RNF216: variants seen among roughly 807,000 people sequenced by gnomAD.
RNF216 encodes the protein ring finger protein 216.
RNF216 carries 72 observed loss-of-function variants against 110.8 expected under a neutral mutation model. That is an observed-to-expected ratio of 0.65 (90% CI 0.54 to 0.79). The LOEUF (loss-of-function observed/expected upper bound fraction) is 0.79, where lower values mean the gene tolerates loss of function less well. Ranked by LOEUF, RNF216 falls within the 30% of genes least tolerant of loss-of-function variation. The pLI is 0.00. For synonymous variants in RNF216, 495 were observed against 407.5 expected, an observed-to-expected ratio of 1.21 and a Z score of -2.59; for missense variants, 1,342 against 1,141.2, an observed-to-expected ratio of 1.18 and a Z score of -2.54.
At chr7:5,717,067 A>T (rs1793108382) in intron 9 of RNF216, among the ~76,000 whole-genome samples, 1 of 152,204 alleles carries the variant, frequency 6.6e-6, no homozygotes, top group Non-Finnish European at 1.5e-5. Context: ...ATAAAAACTA[A>T]GTTTGGCCGG....
intron 5 of RNF216, among the ~76,000 whole-genome samples, chr7:5,738,640 G>A (rs562959655): frequency 6.6e-6 from 1 of 150,376 alleles, no homozygotes; most frequent in South Asian, 2.1e-4. Context: ...CCTGGGAGGC[G>A]GAGCTTGCAG....
chr7:5,757,399 A>G (rs1315161832), intron 2 of RNF216, among the ~76,000 whole-genome samples: 2 of 100,582 alleles, frequency 2.0e-5, no homozygotes, highest in Admixed American at 1.2e-4. Context: ...TTACACAGAT[A>G]TATCAGCTCT....
rs145381160 is a variant in RNF216 at position 5,669,711 on chromosome 7, T to C, written c.2062-17201A>G. Among the ~76,000 whole-genome samples, 197 of 152,232 alleles carry C rather than the reference T, an allele frequency of 1.3e-3. 1 individual carries two copies. The highest frequency in any genetic ancestry group is 4.5e-3 in the African/African-American group (186 of 41,552). On this transcript the variant is annotated intron_variant, in intron 13 of 16. Transcript: ENST00000389902. ...AGTTTTGAGACCAGCCTGGCCAACA[T>C]GGCAAAACCCCATCTACTAAAAATA...
chr7:5,759,722 C>A (rs546955053), intron 2 of RNF216, among the ~76,000 whole-genome samples: 1 of 148,864 alleles, frequency 6.7e-6, no homozygotes, highest in Middle Eastern at 3.3e-3. Flanking sequence ...ACCTCTGCCT[C>A]CCAGGTTCAA....
intron 13 of RNF216, among the ~76,000 whole-genome samples, chr7:5,677,266 G>C (rs1463625832): frequency 1.3e-5 from 2 of 152,190 alleles, no homozygotes; most frequent in Non-Finnish European, 2.9e-5. Context: ...ATCTGCTGTT[G>C]TCTTTTGCTT....
chr7:5,765,950 C>G (rs1466378392), intron 1 of RNF216, among the ~76,000 whole-genome samples: 6 of 17,490 alleles, frequency 3.4e-4, no homozygotes, highest in African/African-American at 1.1e-3. Context: ...GAGACTCTGT[C>G]TCAAAAAAAA....
At chr7:5,718,381 A>G (rs921218577) in intron 9 of RNF216, among the ~76,000 whole-genome samples, 2 of 152,194 alleles carry the variant, frequency 1.3e-5, no homozygotes, top group Non-Finnish European at 1.5e-5. Flanking sequence ...ACTCCGTCTC[A>G]AAAAACAAAC....
chr7:5,675,562 A>T (rs1237938054), intron 13 of RNF216, among the ~76,000 whole-genome samples: 1 of 151,944 alleles, frequency 6.6e-6, no homozygotes, highest in African/African-American at 2.4e-5. Flanking sequence ...GGATTGCTTG[A>T]GCCCAGGAGG....
rs767873301 is a variant in RNF216 at position 5,622,852 on chromosome 7, C to A, written c.*8G>T. The stretch of plus-strand genomic sequence containing the variant: ...GGCTTTGTGCTGCTCAATGGGGATT[C>A]GGGGCCATCAGAAGCGATGCCGCGG... On this transcript the variant is annotated 3_prime_UTR_variant, in exon 17 of 17. Coordinates refer to ENST00000389902, the MANE Select transcript of RNF216 (RefSeq NM_207111.4). The A allele has an allele frequency of 3.1e-6, 5 of 1,589,370 alleles. No individual in the cohort carries two copies. In the Admixed American group the frequency reaches 6.8e-5, roughly 21 times the overall value.
In RNF216 at chr7:5,645,843, G is replaced by T. The variant is rs2128571367; in HGVS notation, c.2160-4467C>A. On this transcript the variant is annotated intron_variant, in intron 14 of 16. Transcript: ENST00000389902. ...GACCTCAAGTGATCCGCCCACGTCA[G>T]CCTCCCAAAGTGCTGGGATTACAGG... 1.3e-5 allele frequency among the ~76,000 whole-genome samples: 2 copies of T among 152,288 alleles called. 1 individual carries two copies. Among genetic ancestry groups the T allele is most frequent in the Admixed American group, 1.3e-4 (2 of 15,300 alleles).
At chr7:5,669,953 G>A (rs1198371329) in intron 13 of RNF216, among the ~76,000 whole-genome samples, 2 of 150,894 alleles carry the variant, frequency 1.3e-5, no homozygotes, top group African/African-American at 2.4e-5. Context: ...TTGAGATGGA[G>A]TCTCGCTCTG....
At chr7:5,733,396 A>G (rs112195901) in intron 5 of RNF216, among the ~76,000 whole-genome samples, 7,543 of 152,300 alleles carry the variant, frequency 0.05, 219 homozygotes, top group South Asian at 0.092. Context: ...GAACTGTAAG[A>G]GAAGGTATCA....
chr7:5,778,707 G>C lies in RNF216; in HGVS notation c.-70+2834C>G, dbSNP rs185798410. Among the ~76,000 whole-genome samples, 87 of 152,176 alleles carry C rather than the reference G, an allele frequency of 5.7e-4. 1 individual carries two copies. The highest frequency in any genetic ancestry group is 2.0e-3 in the African/African-American group (85 of 41,548). On this transcript the variant is annotated intron_variant, in intron 1 of 16. Coordinates refer to ENST00000389902, the MANE Select transcript of RNF216 (RefSeq NM_207111.4). ...TCCACGCTGACCCTTACAAGTTTTG[G>C]GACTAGATATTTTTCAGCACCTCAG...
chr7:5,772,143 G>A (rs1436877789), intron 1 of RNF216, among the ~76,000 whole-genome samples: 1 of 151,684 alleles, frequency 6.6e-6, no homozygotes, highest in Admixed American at 6.6e-5. Flanking sequence ...TGAGGCAGGA[G>A]AATCGTTTGA....
chr7:5,733,735 G>C (rs1305001158), intron 5 of RNF216, among the ~76,000 whole-genome samples: 1 of 148,358 alleles, frequency 6.7e-6, no homozygotes, highest in Non-Finnish European at 1.5e-5. Flanking sequence ...AATACAATTA[G>C]TAAACAAATA....
At position 5,660,665 on chromosome 7, in the gene RNF216, C is replaced by A. The variant is rs74729615; in HGVS notation, c.2062-8155G>T. Reference sequence around the variant, plus strand: ...CAATCTTGGCTCACTGCAGTCGCGACCTCCCTGGCTCAAGCGATCCTCCCA... The same window carrying A: ...CAATCTTGGCTCACTGCAGTCGCGAACTCCCTGGCTCAAGCGATCCTCCCA... On this transcript the variant is annotated intron_variant, in intron 13 of 16. Coordinates refer to ENST00000389902, the MANE Select transcript of RNF216 (RefSeq NM_207111.4). 7.2e-5 allele frequency among the ~76,000 whole-genome samples: 11 copies of A among 151,858 alleles called. No homozygotes were observed. The East Asian group carries it at 2.0e-3, about 27-fold the overall frequency.
chr7:5,660,306 T>C (rs1366324366), intron 13 of RNF216, among the ~76,000 whole-genome samples: 1 of 95,990 alleles, frequency 1.0e-5, no homozygotes, highest in Non-Finnish European at 2.0e-5. Flanking sequence ...TTTTTTTTTT[T>C]TTTTGAGATG....
intron 13 of RNF216, among the ~76,000 whole-genome samples, chr7:5,675,502 T>C (rs1790224566): frequency 6.6e-6 from 1 of 151,936 alleles, no homozygotes; most frequent in Middle Eastern, 3.4e-3. Flanking sequence ...ATTAGCTGAG[T>C]GTAGTGGTGC....
intron 5 of RNF216, among the ~76,000 whole-genome samples, chr7:5,731,338 G>A (rs1222754559): frequency 1.3e-5 from 2 of 152,206 alleles, no homozygotes; most frequent in Non-Finnish European, 2.9e-5. Context: ...AAAGCTCTAT[G>A]AGCCATTGAG....
Sources: allele counts gnomAD v4.1 joint callset (sites outside exome capture counted in the v4.1 genomes callset), GRCh38; gene constraint gnomAD v4.1.1; transcripts MANE v1.5; gene names NCBI Gene and HGNC (gene_info 2026-07-23, HGNC 2026-07-21).